The following MYRIP variants were observed in gnomAD, a reference collection of about 807,000 sequenced individuals.
MYRIP encodes myosin VIIA and Rab interacting protein.
MYRIP carries 49 observed loss-of-function variants against 98.0 expected under a neutral mutation model. The ratio of observed to expected loss-of-function variants is 0.50; its 90% confidence interval spans 0.40 to 0.63. The LOEUF (loss-of-function observed/expected upper bound fraction) is 0.63, where lower values mean the gene tolerates loss of function less well. Ranked by LOEUF, MYRIP falls within the 30% of genes least tolerant of loss-of-function variation. The pLI, the probability that MYRIP is intolerant of heterozygous loss-of-function variation, is 0.00. For synonymous variants in MYRIP, 404 were observed against 409.5 expected, an observed-to-expected ratio of 0.99 and a Z score of 0.16; for missense variants, 1,004 against 1,058.2, an observed-to-expected ratio of 0.95 and a Z score of 0.71.
intron 3 of MYRIP, among the ~76,000 whole-genome samples, chr3:40,106,670 C>T (rs966401965): frequency 6.6e-6 from 1 of 151,982 alleles, no homozygotes; most frequent in Non-Finnish European, 1.5e-5. Flanking sequence ...TTTGAAGTCC[C>T]CCATTATGCT....
chr3:40,160,364 GCTGCGTGCT>G lies in MYRIP; in HGVS notation c.470-2365_470-2357del, dbSNP rs1950357361. On this transcript the variant is annotated intron_variant, in intron 4 of 16. Coordinates refer to ENST00000302541, the MANE Select transcript of MYRIP (RefSeq NM_015460.4). Reference sequence around the variant, plus strand: ...CAGTCTGCCTGTTCTCAGATCTCCAGCTGCGTGCTGGGAGAACCACTGCTGTCTTCAAAG... The same window carrying G: ...CAGTCTGCCTGTTCTCAGATCTCCAGGGGAGAACCACTGCTGTCTTCAAAG... 3.3e-5 allele frequency among the ~76,000 whole-genome samples: 5 copies of G among 152,352 alleles called. No individual in the cohort carries two copies. In the South Asian group the frequency reaches 1.0e-3, roughly 32 times the overall value.
intron 2 of MYRIP, among the ~76,000 whole-genome samples, chr3:39,935,488 C>T (rs115147621): frequency 2.0e-5 from 3 of 152,106 alleles, no homozygotes; most frequent in African/African-American, 7.2e-5. Context: ...GGCCATTGTT[C>T]TGCAGGAAGC....
chr3:39,938,234 G>GTATCATTTATATTTATATAAATA (rs1944700614), intron 2 of MYRIP, among the ~76,000 whole-genome samples: 2 of 152,018 alleles, frequency 1.3e-5, no homozygotes, highest in Non-Finnish European at 2.9e-5. Flanking sequence ...TATATAAATG[G>GTATCATTTATATTTATATAAATA]TATCATTTAT....
chr3:40,221,786 C>G (rs550006231), intron 11 of MYRIP, among the ~76,000 whole-genome samples: 1 of 152,268 alleles, frequency 6.6e-6, no homozygotes, highest in Non-Finnish European at 1.5e-5. Flanking sequence ...ATTGTACTTT[C>G]AATTATTTAT....
At chr3:40,191,860 T>G (rs755901515) in intron 10 of MYRIP, among the ~76,000 whole-genome samples, 14 of 152,122 alleles carry the variant, frequency 9.2e-5, no homozygotes, top group Admixed American at 1.3e-4. Flanking sequence ...CAAAGGATAC[T>G]CTTGAGGGTT....
intron 2 of MYRIP, among the ~76,000 whole-genome samples, chr3:40,018,038 C>T (rs1946909083): frequency 6.6e-6 from 1 of 152,102 alleles, no homozygotes; most frequent in Admixed American, 6.5e-5. Context: ...GAAGTTTTCT[C>T]GTTTCCTTAT....
intron 1 of MYRIP, among the ~76,000 whole-genome samples, chr3:39,899,773 G>T (rs1224168411): frequency 6.6e-6 from 1 of 152,092 alleles, no homozygotes; most frequent in Admixed American, 6.6e-5. Flanking sequence ...GTTTTAATTT[G>T]CAGTTCTGTA....
intron 1 of MYRIP, among the ~76,000 whole-genome samples, chr3:39,812,303 T>TA (rs1257822270): frequency 6.6e-6 from 1 of 152,200 alleles, no homozygotes; most frequent in African/African-American, 2.4e-5. Flanking sequence ...GTTCCCAAGC[T>TA]AAAATGAGAC....
intron 3 of MYRIP, among the ~76,000 whole-genome samples, chr3:40,091,784 A>C (rs1948741142): frequency 6.6e-6 from 1 of 152,172 alleles, no homozygotes; most frequent in Non-Finnish European, 1.5e-5. Flanking sequence ...ATTCTTGTCC[A>C]AGCAGCATCA....
chr3:40,032,582 G>A (rs1947285328), intron 2 of MYRIP, among the ~76,000 whole-genome samples: 1 of 152,052 alleles, frequency 6.6e-6, no homozygotes, highest in African/African-American at 2.4e-5. Context: ...ATAATCAATA[G>A]CTTACCAACC....
At chr3:40,028,685 T>C (rs1207527331) in intron 2 of MYRIP, among the ~76,000 whole-genome samples, 2 of 152,188 alleles carry the variant, frequency 1.3e-5, no homozygotes, top group Non-Finnish European at 2.9e-5. Context: ...CTCTTTCCCA[T>C]GTAGCTGACC....
rs375280713 is a variant in MYRIP at position 39,827,965 on chromosome 3, A to G, written c.-31+18049A>G. 4.7e-4 allele frequency among the ~76,000 whole-genome samples: 72 copies of G among 152,000 alleles called. No homozygotes were observed. The South Asian group carries it at 0.015, about 31-fold the overall frequency. The stretch of plus-strand genomic sequence containing the variant: ...TGTTGAGAAGTCTACTCTTAGTCTC[A>G]TGGGATTCCCTTATATGTGACTTGA... On this transcript the variant is annotated intron_variant, in intron 1 of 16. Transcript: ENST00000302541.
chr3:40,076,034 A>G lies in MYRIP; in HGVS notation c.332+31763A>G, dbSNP rs142697569. 5.6e-4 allele frequency among the ~76,000 whole-genome samples: 85 copies of G among 152,242 alleles called. 1 individual carries two copies. The East Asian group carries it at 0.015, about 26-fold the overall frequency. ...AACGTGGTAAAACCTCATCTCTAAA[A>G]AAATAAAATAAAATACAAAAATTAG... On this transcript the variant is annotated intron_variant, in intron 3 of 16. Coordinates refer to ENST00000302541, the MANE Select transcript of MYRIP (RefSeq NM_015460.4).
intron 11 of MYRIP, among the ~76,000 whole-genome samples, chr3:40,212,966 C>T (rs1282971237): frequency 6.6e-6 from 1 of 152,090 alleles, no homozygotes; most frequent in Admixed American, 6.6e-5. Flanking sequence ...CAAAACCATG[C>T]AGTTTGCAAA....
At chr3:40,056,371 C>T (rs1432892455) in intron 3 of MYRIP, among the ~76,000 whole-genome samples, 2 of 152,132 alleles carry the variant, frequency 1.3e-5, no homozygotes, top group Non-Finnish European at 2.9e-5. Flanking sequence ...TGATTTTAGA[C>T]CTTTGGCCTC....
intron 3 of MYRIP, among the ~76,000 whole-genome samples, chr3:40,145,081 GTTA>G (rs1393568934): frequency 6.6e-6 from 1 of 152,122 alleles, no homozygotes; most frequent in Non-Finnish European, 1.5e-5. Context: ...TGATAAGTTG[GTTA>G]TTGTCATCAT....
chr3:39,927,649 C>G (rs900001634), intron 2 of MYRIP, among the ~76,000 whole-genome samples: 3 of 151,906 alleles, frequency 2.0e-5, no homozygotes, highest in Non-Finnish European at 4.4e-5. Flanking sequence ...TGAAACTATT[C>G]CAAAAAACCA....
At chr3:39,837,702 C>A (rs570961424) in intron 1 of MYRIP, among the ~76,000 whole-genome samples, 1 of 152,126 alleles carries the variant, frequency 6.6e-6, no homozygotes, top group African/African-American at 2.4e-5. Flanking sequence ...TATACAGGCT[C>A]TTTTTTGGTT....
chr3:39,848,687 A>G lies in MYRIP; in HGVS notation c.-31+38771A>G, dbSNP rs1450042191. 2.0e-5 allele frequency among the ~76,000 whole-genome samples: 3 copies of G among 152,254 alleles called. No homozygotes were observed. In the East Asian group the frequency reaches 5.8e-4, roughly 29 times the overall value. On this transcript the variant is annotated intron_variant, in intron 1 of 16. Transcript: ENST00000302541. ...GAAATAAAAGTGAAGTATATCAGAA[A>G]TCCATGTCAGACATGTAAACATGTT...
Sources: allele counts gnomAD v4.1 joint callset (sites outside exome capture counted in the v4.1 genomes callset), GRCh38; gene constraint gnomAD v4.1.1; transcripts MANE v1.5; gene names NCBI Gene and HGNC (gene_info 2026-07-23, HGNC 2026-07-21).